The following NDST2 variants were observed in gnomAD, a reference collection of about 807,000 sequenced individuals.
NDST2 encodes the protein N-deacetylase and N-sulfotransferase 2.
Under a neutral mutation model 86.9 loss-of-function variants are expected in NDST2, and 32 were observed. The ratio of observed to expected loss-of-function variants is 0.37; its 90% CI spans 0.28 to 0.49. The LOEUF (loss-of-function observed/expected upper bound fraction) is 0.49. Ranked by LOEUF, NDST2 falls within the 20% of genes least tolerant of loss-of-function variation. NDST2 has a pLI of 0.97. For missense variants in NDST2, 950 were observed against 1,146.9 expected (o/e 0.83, Z 2.48); for synonymous variants, 409 against 437.0 (o/e 0.94, Z 0.80).
At position 73,802,122 on chromosome 10, in the gene NDST2, A is replaced by C; in HGVS notation, c.*329T>G. 1 of 424,484 alleles carries C rather than the reference A, an allele frequency of 2.4e-6. No homozygotes were observed. Among genetic ancestry groups the C allele is most frequent in the Non-Finnish European group, 4.3e-6 (1 of 231,570 alleles). 26.3% of individuals were successfully genotyped at this position (424,484 alleles called of 1,614,324 possible). A position where few individuals can be genotyped will look rare whatever the true frequency, so the allele number is the denominator to read the frequency against. ...GGTCTCTCCCATAGCCAGGTATAGA[A>C]TAGATACACTGCTGCGGATGAAGAG... On this transcript the variant is annotated 3_prime_UTR_variant, in exon 15 of 15. Coordinates refer to ENST00000309979, the MANE Select transcript of NDST2 (RefSeq NM_003635.4).
intron 2 of NDST2, 148 bp downstream of exon 2, chr10:73,810,651 T>G (rs909471350): frequency 1.3e-5 from 5 of 391,018 alleles, no homozygotes; most frequent in Non-Finnish European, 2.3e-5. Flanking sequence ...GGGTGTATCA[T>G]CCCGTATTTG....
chr10:73,804,134 C>G (rs2084058386), intron 9 of NDST2, 118 bp from the exon 10 acceptor site: 1 of 1,199,060 alleles, frequency 8.3e-7, no homozygotes. Context: ...TCCCCTATGG[C>G]CAAACTACAA....
chr10:73,804,141 A>C (rs1589610819), intron 9 of NDST2, 125 bp from the exon 10 acceptor site: 2 of 1,094,694 alleles, frequency 1.8e-6, no homozygotes, highest in East Asian at 4.8e-5. Flanking sequence ...TGGCCAAACT[A>C]CAATGATAGG....
rs1281562268 is a variant in NDST2, at chr10:73,807,837, G to A, written c.552C>T (p.Leu184=). 1 of 1,614,206 alleles carries A rather than the reference G, an allele frequency of 6.2e-7. No homozygotes were observed. The highest frequency in any genetic ancestry group is 1.3e-5 in the African/African-American group (1 of 75,056). The part of the protein sequence containing the change: ...AHEHSLLSAQ[L]KGFPLFLHSN... ...AGTGTAAAAAAAGGGGAAAGCCCTT[G>A]AGCTGGGCGCTCAGTAGGCTGTGCT... Residue 184 remains leucine, a synonymous_variant, in exon 3 of 15, where the codon CTC becomes CTT. Transcript: ENST00000309979.
At chr10:73,803,517 T>TGGGGGGGGGGGCCGG in intron 11 of NDST2, 57 bp downstream of exon 11, 1 of 1,189,314 alleles carries the variant, frequency 8.4e-7, no homozygotes, top group Non-Finnish European at 1.2e-6. Context: ...TAGCAGTCAC[T>TGGGGGGGGGGGCCGG]GTCCCCTCCC....
Position 73,806,787 on chromosome 10 carries a change from T to TC in NDST2, c.1117dup (p.Asp373GlyfsTer34). On this transcript the variant is annotated frameshift_variant, in exon 5 of 15. Coordinates refer to ENST00000309979, the MANE Select transcript of NDST2 (RefSeq NM_003635.4). LOFTEE classifies it high-confidence loss of function. The surrounding 1 kb of genome is among the most constrained non-coding windows in gnomAD (Gnocchi z 4.5). ...TTTGCGGTGCTTCAGCAGCATGTCG[T>TC]CCCCTGCATCCTCCTCCTCTGTCCC... 1 of 1,614,050 alleles carries TC rather than the reference T, an allele frequency of 6.2e-7. No homozygotes were observed. Among genetic ancestry groups the TC allele is most frequent in the South Asian group, 1.1e-5 (1 of 91,066 alleles).
chr10:73,805,310 C>T (rs1295571125), intron 8 of NDST2, among the ~76,000 whole-genome samples: 1 of 151,622 alleles, frequency 6.6e-6, no homozygotes, highest in Non-Finnish European at 1.5e-5. Context: ...GTCAGGAGTT[C>T]GAGACCAGCC....
rs773798939 is a variant in NDST2, at chr10:73,802,605, G to GTA, written c.2527-31_2527-30dup. The GTA allele has an allele frequency of 2.4e-5, 38 of 1,614,094 alleles. No individual in the cohort carries two copies. The South Asian group carries it at 4.2e-4, about 18-fold the overall frequency. On this transcript the variant is annotated intron_variant, in intron 14 of 14. Coordinates refer to ENST00000309979, the MANE Select transcript of NDST2 (RefSeq NM_003635.4). ...ACAGGAGAAAATGAAGGCAGAAATG[G>GTA]TAAGAAGTGGGACACAGAATCAGAT...
At chr10:73,810,097 C>A (rs928439380) in intron 2 of NDST2, among the ~76,000 whole-genome samples, 1 of 152,188 alleles carries the variant, frequency 6.6e-6, no homozygotes, top group Admixed American at 6.5e-5. Context: ...CTACCACCCA[C>A]CCCCAAACAC....
chr10:73,802,698 C>T lies in NDST2; in HGVS notation c.2502G>A (p.Arg834=), dbSNP rs371961777. 7 of 1,614,026 alleles carry T rather than the reference C, an allele frequency of 4.3e-6. No homozygotes were observed. The highest frequency in any genetic ancestry group is 5.9e-6 in the Non-Finnish European group (7 of 1,179,870). Residue 834 remains arginine, a synonymous_variant, in exon 14 of 15, where the codon CGG becomes CGA. Transcript: ENST00000309979. ...CCTCAGTGTCCATATCTGGATACCTCCGGCCTTTGCTCCGGCCTAGACAGC... is the reference window on the plus strand; with the variant it reads ...CCTCAGTGTCCATATCTGGATACCTTCGGCCTTTGCTCCGGCCTAGACAGC... ...KTRCLGRSKG[R]RYPDMDTESR...
At chr10:73,803,804 A>C (rs1249186454) in intron 10 of NDST2, 56 bp from the exon 11 acceptor site, 2 of 1,613,332 alleles carry the variant, frequency 1.2e-6, no homozygotes, top group African/African-American at 2.7e-5. Flanking sequence ...TGAAGTGGCC[A>C]GAAGTCTGTG....
At chr10:73,810,377 G>A (rs2084174431) in intron 2 of NDST2, among the ~76,000 whole-genome samples, 4 of 152,106 alleles carry the variant, frequency 2.6e-5, no homozygotes, top group Admixed American at 2.6e-4. Flanking sequence ...AGAATCACTT[G>A]AACGTGGGAG....
At position 73,802,153 on chromosome 10, in the gene NDST2, T is replaced by C; in HGVS notation, c.*298A>G. ...ACACTGCTGCGGATGAAGAGGGAAA[T>C]CTCATTGGACTAATACATTCCCCTA... On this transcript the variant is annotated 3_prime_UTR_variant, in exon 15 of 15. Transcript: ENST00000309979. 1 of 490,992 alleles carries C rather than the reference T, an allele frequency of 2.0e-6. No homozygotes were observed. The highest frequency in any genetic ancestry group is 2.4e-5 in the South Asian group (1 of 41,378). 30.4% of individuals were successfully genotyped at this position (490,992 alleles called of 1,614,324 possible).
Position 73,804,879 on chromosome 10 carries a change from G to C in NDST2, c.1747-10C>G. The C allele has an allele frequency of 6.3e-7, 1 of 1,578,204 alleles. No homozygotes were observed. On this transcript the variant is annotated splice_polypyrimidine_tract_variant and intron_variant, in intron 8 of 14. Coordinates refer to ENST00000309979, the MANE Select transcript of NDST2 (RefSeq NM_003635.4). ...TGTCATCACAGGGATTCTGAAGCCA[G>C]GGCCAATAATCAGATAAGGCCTATT...
rs761524445 is a variant in NDST2, at chr10:73,803,692, T to G, written c.2024A>C (p.Lys675Thr). The change falls in exon 11 of 15, where the codon AAA (lysine) becomes ACA (threonine). Residue 675 changes from lysine to threonine, a missense_variant. Around this residue, in one of 5 missense-constraint regions of NDST2, gnomAD observed 303 missense variants for 323.7 expected, o/e 0.94. Transcript: ENST00000309979. Reference protein sequence around the residue: ...SNASTDFLFEKSATYFDSEVV... With the variant: ...SNASTDFLFETSATYFDSEVV... Reference sequence around the variant, plus strand: ...TTCAGAGTCAAAGTAGGTGGCACTTTTTTCAAATAGGAAATCAGTGCTGGC... The same window carrying G: ...TTCAGAGTCAAAGTAGGTGGCACTTGTTTCAAATAGGAAATCAGTGCTGGC... 5 of 1,614,120 alleles carry G rather than the reference T, an allele frequency of 3.1e-6. No homozygotes were observed. The Admixed American group carries it at 8.3e-5, about 27-fold the overall frequency.
Position 73,806,369 on chromosome 10 carries a change from T to A in NDST2, c.1354A>T (p.Ile452Phe), listed in dbSNP as rs371975463. 3.1e-6 allele frequency: 5 copies of A among 1,614,060 alleles called. No individual in the cohort carries two copies. In the African/African-American group the frequency reaches 4.0e-5, roughly 13 times the overall value. The part of the protein sequence containing the change: ...LYEAWKSVWG[I>F]QVTSTEEYPH... ...TACTCCTCAGTGCTGGTCACCTGGA[T>A]GCCCCACACGGATTTCCAGGCCTCA... The change falls in exon 6 of 15, where the codon ATC becomes TTC. Residue 452 changes from isoleucine to phenylalanine, a missense_variant. Physicochemically the swap from Ile to Phe is conservative, Grantham distance 21. Around this residue, in one of 5 missense-constraint regions of NDST2, gnomAD observed 586 missense variants for 714.0 expected, o/e 0.82. Coordinates refer to ENST00000309979, the MANE Select transcript of NDST2 (RefSeq NM_003635.4). This position sits in a 1 kb window ranked among gnomAD's most constrained non-coding sequence, Gnocchi z 4.5.
At chr10:73,805,512 TCAAAA>T (rs2084084586) in intron 8 of NDST2, 70 bp downstream of exon 8, 42 of 1,447,836 alleles carry the variant, frequency 2.9e-5, no homozygotes, top group South Asian at 8.3e-5. Context: ...AGATTCTGTC[TCAAAA>T]CAACAACAAC....
chr10:73,810,773 A>G lies in NDST2; in HGVS notation c.-342+26T>C, dbSNP rs2084192735. The G allele has an allele frequency of 1.3e-5, 5 of 398,918 alleles. 1 individual carries two copies. In the South Asian group the frequency reaches 6.4e-4, roughly 51 times the overall value. 24.7% of individuals were successfully genotyped at this position (398,918 alleles called of 1,614,324 possible). A position where few individuals can be genotyped will look rare whatever the true frequency, so the allele number is the denominator to read the frequency against. ...ATGCTCCATTATCCCCATTTCACAT[A>G]TGAGTAACTCAGAGAAGCTTAGAAC... On this transcript the variant is annotated intron_variant, in intron 2 of 14. Coordinates refer to ENST00000309979, the MANE Select transcript of NDST2 (RefSeq NM_003635.4).
rs2084025710 is a variant in NDST2, at chr10:73,803,044, G to A, written c.2351C>T (p.Pro784Leu). 1.2e-6 allele frequency: 2 copies of A among 1,614,106 alleles called. No homozygotes were observed. The highest frequency in any genetic ancestry group is 2.2e-5 in the South Asian group (2 of 91,086). The part of the protein sequence containing the change: ...IVDGQELRTN[P>L]AASMESIQKF... ...CTGGATGCTCTCCATTGAGGCTGCT[G>A]GGTTGGTACGCAGCTCTTGCCCATC... Residue 784 changes from proline to leucine, a missense_variant, in exon 13 of 15, where the codon CCA becomes CTA. Around this residue, in one of 5 missense-constraint regions of NDST2, gnomAD observed 303 missense variants for 323.7 expected, o/e 0.94. Coordinates refer to ENST00000309979, the MANE Select transcript of NDST2 (RefSeq NM_003635.4).
Sources: gnomAD v4.1 joint callset for allele counts (sites outside exome capture counted in the v4.1 genomes callset) on GRCh38, gnomAD v4.1.1 for gene constraint, gnomAD v4.1.1 regional missense constraint, Gnocchi (gnomAD v3.1) non-coding constraint, MANE v1.5 for transcripts, NCBI Gene and HGNC (gene_info 2026-07-23, HGNC 2026-07-21) for gene names.